The following SULF1 variants were observed in gnomAD, a reference collection of about 807,000 sequenced individuals.
SULF1 encodes the protein sulfatase 1.
A neutral mutation model predicts 110.5 loss-of-function variants in SULF1; 46 were observed. The observed-to-expected ratio is 0.42, with a 90% confidence interval of 0.33 to 0.53. The LOEUF is 0.53. Ranked by LOEUF, SULF1 falls within the 20% of genes least tolerant of loss-of-function variation. The pLI, the probability that SULF1 is intolerant of heterozygous loss-of-function variation, is 0.12. For missense variants in SULF1, 941 were observed against 1,094.2 expected (o/e 0.86, Z 1.98); for synonymous variants, 371 against 387.1 (o/e 0.96, Z 0.49).
At chr8:69,540,198 A>G (rs1813766966) in intron 3 of SULF1, among the ~76,000 whole-genome samples, 1 of 152,238 alleles carries the variant, frequency 6.6e-6, no homozygotes, top group South Asian at 2.1e-4. Context: ...CACCAGATTC[A>G]TCTCTCTATT....
chr8:69,629,441 AGCCTATTTGTAATTGAGAAAGT>A, intron 18 of SULF1, 41 bp from the exon 19 acceptor site: 1 of 1,505,308 alleles, frequency 6.6e-7, no homozygotes, highest in Non-Finnish European at 9.0e-7. Flanking sequence ...CACAGCAACA[AGCCTATTTGTAATTGAGAAAGT>A]GCCTTCTGAA....
intron 7 of SULF1, among the ~76,000 whole-genome samples, chr8:69,587,726 GC>G: frequency 6.6e-6 from 1 of 152,308 alleles, no homozygotes; most frequent in East Asian, 1.9e-4. Context: ...CTGTAGGGAT[GC>G]TTTTTCATGC....
chr8:69,545,085 C>CTTTTTTTTTTTTTTTTTT, intron 3 of SULF1, among the ~76,000 whole-genome samples: 1 of 134,932 alleles, frequency 7.4e-6, no homozygotes, highest in Non-Finnish European at 1.6e-5. Context: ...TAAAGGAATT[C>CTTTTTTTTTTTTTTTTTT]TTTTTTTTTT....
intron 3 of SULF1, among the ~76,000 whole-genome samples, chr8:69,523,321 A>G (rs1026735997): frequency 6.6e-6 from 1 of 152,202 alleles, no homozygotes; most frequent in African/African-American, 2.4e-5. Context: ...TCCCCAGTGA[A>G]GTATAAACCA....
At chr8:69,479,924 C>T (rs936588063) in intron 1 of SULF1, among the ~76,000 whole-genome samples, 1 of 152,064 alleles carries the variant, frequency 6.6e-6, no homozygotes, top group Admixed American at 6.6e-5. Flanking sequence ...GCTCCCTTTT[C>T]GACCATGGAC....
intron 8 of SULF1, chr8:69,597,170 AG>A (rs1404568213): frequency 6.6e-6 from 1 of 152,220 alleles, no homozygotes; most frequent in Non-Finnish European, 1.5e-5. Context: ...TAGGAAAGCA[AG>A]CTTTAATTAT....
At chr8:69,643,235 A>C (rs1053570181) in intron 22 of SULF1, among the ~76,000 whole-genome samples, 4 of 152,200 alleles carry the variant, frequency 2.6e-5, no homozygotes, top group African/African-American at 9.6e-5. Flanking sequence ...ATGTGGCCTT[A>C]CCTGCTCCTT....
intron 3 of SULF1, among the ~76,000 whole-genome samples, chr8:69,520,973 C>G (rs1033785767): frequency 2.6e-5 from 4 of 152,110 alleles, no homozygotes; most frequent in Non-Finnish European, 1.5e-5. Flanking sequence ...TTACTAGAGA[C>G]TGAGGCACAG....
intron 3 of SULF1, among the ~76,000 whole-genome samples, chr8:69,521,308 T>G (rs1163257031): frequency 2.0e-5 from 3 of 152,182 alleles, no homozygotes; most frequent in African/African-American, 7.2e-5. Context: ...ATCCCAACTT[T>G]TGTAGGTCTT....
chr8:69,564,325 C>T (rs1206065181), intron 5 of SULF1, among the ~76,000 whole-genome samples, 178 bp downstream of exon 5: 12 of 152,280 alleles, frequency 7.9e-5, no homozygotes, highest in Non-Finnish European at 1.8e-4. Flanking sequence ...TTCAGCATTA[C>T]TTTTCTGATG....
At chr8:69,591,580 AAAAG>A (rs1429341127) in intron 8 of SULF1, among the ~76,000 whole-genome samples, 8 of 151,368 alleles carry the variant, frequency 5.3e-5, no homozygotes, top group Non-Finnish European at 4.4e-5. Context: ...AAAAACAAAG[AAAAG>A]AAAAGAAAAA....
chr8:69,560,612 A>G (rs191914831), intron 3 of SULF1, among the ~76,000 whole-genome samples: 2 of 152,358 alleles, frequency 1.3e-5, no homozygotes, highest in East Asian at 3.9e-4. Flanking sequence ...CTTTCTCAAG[A>G]TAAATTGTTA....
intron 1 of SULF1, among the ~76,000 whole-genome samples, chr8:69,473,517 C>A (rs1230677393): frequency 2.0e-5 from 3 of 152,224 alleles, no homozygotes; most frequent in Non-Finnish European, 2.9e-5. Context: ...CAAGAGTCCA[C>A]ATGGCTCTTG....
chr8:69,579,899 A>G (rs1349097511), intron 6 of SULF1, among the ~76,000 whole-genome samples: 1 of 152,252 alleles, frequency 6.6e-6, no homozygotes, highest in Non-Finnish European at 1.5e-5. Context: ...ACATTTAGCT[A>G]CAAACCTAAG....
intron 13 of SULF1, among the ~76,000 whole-genome samples, chr8:69,605,756 G>GA (rs1330321138): frequency 6.6e-6 from 1 of 152,200 alleles, no homozygotes; most frequent in African/African-American, 2.4e-5. Context: ...AGAGGAAAGT[G>GA]AAAAATACTA....
At chr8:69,542,536 C>T (rs542281548) in intron 3 of SULF1, among the ~76,000 whole-genome samples, 17 of 151,992 alleles carry the variant, frequency 1.1e-4, no homozygotes, top group African/African-American at 3.4e-4. Flanking sequence ...TTTTGACCCC[C>T]GAGAAATGGG....
At chr8:69,554,083 G>A (rs1229397028) in intron 3 of SULF1, among the ~76,000 whole-genome samples, 2 of 152,194 alleles carry the variant, frequency 1.3e-5, no homozygotes, top group Non-Finnish European at 2.9e-5. Context: ...TTCATGAATG[G>A]CTGGCTTTAC....
intron 22 of SULF1, among the ~76,000 whole-genome samples, chr8:69,642,570 C>G (rs545748396): frequency 6.6e-6 from 1 of 152,122 alleles, no homozygotes; most frequent in Non-Finnish European, 1.5e-5. Flanking sequence ...CACACCAGGA[C>G]GATCTTCCCT....
intron 22 of SULF1, among the ~76,000 whole-genome samples, chr8:69,645,468 A>G (rs1189367669): frequency 6.6e-6 from 1 of 152,234 alleles, no homozygotes; most frequent in Non-Finnish European, 1.5e-5. Context: ...GAAAGAATCG[A>G]AACAACCACC....
Sources: allele counts gnomAD v4.1 joint callset (sites outside exome capture counted in the v4.1 genomes callset), GRCh38; gene constraint gnomAD v4.1.1; transcripts MANE v1.5; gene names NCBI Gene and HGNC (gene_info 2026-07-23, HGNC 2026-07-21).